RAPGEF2: variants seen among roughly 807,000 people sequenced by gnomAD.
RAPGEF2 encodes the protein PDZ domain containing guanine nucleotide exchange factor (GEF) 1.
A neutral mutation model predicts 186.7 loss-of-function variants in RAPGEF2; 54 were observed. That is an observed-to-expected ratio of 0.29 (90% CI 0.23 to 0.36). The LOEUF is 0.36. Among genes scored for constraint, RAPGEF2 ranks in the 10% least tolerant of loss-of-function variants. RAPGEF2 has a pLI of 1.00. For missense variants in RAPGEF2, 1,532 were observed against 2,045.0 expected (o/e 0.75, Z 4.84); for synonymous variants, 712 against 705.9 (o/e 1.01, Z -0.14).
At chr4:159,136,227 G>T (rs897543095) in intron 1 of RAPGEF2, among the ~76,000 whole-genome samples, 1 of 152,164 alleles carries the variant, frequency 6.6e-6, no homozygotes, top group Non-Finnish European at 1.5e-5. Context: ...TTTATTAAAC[G>T]CCACTTTTTC....
At chr4:159,325,582 C>T (rs1015027725) in intron 11 of RAPGEF2, among the ~76,000 whole-genome samples, 5 of 145,094 alleles carry the variant, frequency 3.4e-5, no homozygotes, top group Non-Finnish European at 7.6e-5. Flanking sequence ...GTGTCCTTGA[C>T]GAGCAAGTAA....
At chr4:159,246,780 T>G (rs1470220929) in intron 7 of RAPGEF2, among the ~76,000 whole-genome samples, 1 of 152,156 alleles carries the variant, frequency 6.6e-6, no homozygotes, top group Non-Finnish European at 1.5e-5. Flanking sequence ...ATTTATTCAG[T>G]TTTTTACTGA....
intron 1 of RAPGEF2, among the ~76,000 whole-genome samples, chr4:159,138,964 A>C (rs1300773837): frequency 6.6e-6 from 1 of 152,172 alleles, no homozygotes; most frequent in Admixed American, 6.5e-5. Flanking sequence ...GGATGATGTA[A>C]ATTTTCCATG....
At chr4:159,135,337 C>T (rs753129249) in intron 1 of RAPGEF2, among the ~76,000 whole-genome samples, 55 of 151,078 alleles carry the variant, frequency 3.6e-4, no homozygotes, top group Non-Finnish European at 7.1e-4. Flanking sequence ...TAAGTCATTG[C>T]GCCTGGCCCA....
At position 159,237,842 on chromosome 4, in the gene RAPGEF2, T is replaced by TAAAA. The variant is rs58593781; in HGVS notation, c.282-941_282-938dup. Among the ~76,000 whole-genome samples, 83 of 66,916 alleles carry TAAAA rather than the reference T, an allele frequency of 1.2e-3. 9 individuals are homozygous for TAAAA. The highest frequency in any genetic ancestry group is 4.2e-3 in the African/African-American group (77 of 18,222). The allele number at this position is 66,916 out of a possible 152,430, so 43.9% of individuals were successfully genotyped here. On this transcript the variant is annotated intron_variant, in intron 4 of 29. Transcript: ENST00000691494. ...AGCTAGACTTTGTCTCTACAAAAAT[T>TAAAA]AAAAAAAAAAAAAAAAAAAAAAAAA...
At chr4:159,354,102 T>A in intron 28 of RAPGEF2, 56 bp downstream of exon 28, 1 of 1,436,750 alleles carries the variant, frequency 7.0e-7, no homozygotes, top group African/African-American at 1.4e-5. Context: ...TTAATGTAAC[T>A]TATTACAATA....
At chr4:159,289,539 C>T (rs1157416248) in intron 7 of RAPGEF2, among the ~76,000 whole-genome samples, 3 of 152,144 alleles carry the variant, frequency 2.0e-5, no homozygotes, top group Admixed American at 1.3e-4. Context: ...TTCAATTTCT[C>T]TCAGCCTCAA....
rs574411152 is a variant in RAPGEF2 at position 159,314,676 on chromosome 4, A to C, written c.761A>C (p.Asp254Ala). The change falls in exon 9 of 30, where the codon GAC becomes GCC. Residue 254 changes from aspartate (D) to alanine (A), a missense_variant. Transcript: ENST00000691494. ...TCCGAAGACGACGACGATGAAGAAG[A>C]CATTGAGAGAGCATCAGATCCTCTG... ...VDSEDDDDEE[D>A]IERASDPLMS... 1 of 1,614,080 alleles carries C rather than the reference A, an allele frequency of 6.2e-7. No individual in the cohort carries two copies. The highest frequency in any genetic ancestry group is 1.1e-5 in the South Asian group (1 of 91,074).
intron 1 of RAPGEF2, among the ~76,000 whole-genome samples, chr4:159,132,132 G>C (rs750652741): frequency 1.3e-5 from 2 of 152,152 alleles, no homozygotes; most frequent in Non-Finnish European, 2.9e-5. Flanking sequence ...GGGGCTAGTT[G>C]GTCTAGAATT....
chr4:159,218,235 C>G (rs1751167216), intron 4 of RAPGEF2, among the ~76,000 whole-genome samples: 1 of 152,076 alleles, frequency 6.6e-6, no homozygotes, highest in South Asian at 2.1e-4. Flanking sequence ...AAAATCACAG[C>G]TGGAGTGCAG....
At chr4:159,210,877 A>T (rs1750452249) in intron 4 of RAPGEF2, among the ~76,000 whole-genome samples, 1 of 152,220 alleles carries the variant, frequency 6.6e-6, no homozygotes, top group Non-Finnish European at 1.5e-5. Flanking sequence ...AAATCAGCTC[A>T]AGATAGCTTA....
At chr4:159,126,321 A>G (rs1740293119) in intron 1 of RAPGEF2, among the ~76,000 whole-genome samples, 1 of 152,214 alleles carries the variant, frequency 6.6e-6, no homozygotes, top group East Asian at 1.9e-4. Flanking sequence ...AAAATAGCAT[A>G]GGAGAGAGCA....
chr4:159,221,825 G>C (rs370691502), intron 4 of RAPGEF2, among the ~76,000 whole-genome samples: 2 of 152,198 alleles, frequency 1.3e-5, no homozygotes, highest in African/African-American at 4.8e-5. Flanking sequence ...TTAAGGAAGT[G>C]CTGGGAGAGA....
At chr4:159,311,067 TGAGTCCTAG>T (rs1382241759) in intron 8 of RAPGEF2, among the ~76,000 whole-genome samples, 1 of 152,190 alleles carries the variant, frequency 6.6e-6, no homozygotes, top group Non-Finnish European at 1.5e-5. Context: ...CACCTGATTT[TGAGTCCTAG>T]CACAGTTACT....
chr4:159,104,924 T>C (rs1460410041), intron 1 of RAPGEF2, among the ~76,000 whole-genome samples: 1 of 152,230 alleles, frequency 6.6e-6, no homozygotes, highest in African/African-American at 2.4e-5. Context: ...ATTGCAGACA[T>C]AGCTGCAGAG....
intron 3 of RAPGEF2, among the ~76,000 whole-genome samples, chr4:159,202,612 C>T (rs538781740): frequency 2.6e-5 from 4 of 151,968 alleles, no homozygotes; most frequent in African/African-American, 7.3e-5. Context: ...TTTCTTTCTT[C>T]GTTTTTTTGG....
At chr4:159,273,633 T>TCTTTCTTC (rs1491316158) in intron 7 of RAPGEF2, among the ~76,000 whole-genome samples, 28 of 25,464 alleles carry the variant, frequency 1.1e-3, no homozygotes, top group African/African-American at 4.1e-3. Context: ...TCAGTTTCTT[T>TCTTTCTTC]CTTTCTTTCT....
At chr4:159,151,109 T>C (rs1738592268) in intron 1 of RAPGEF2, among the ~76,000 whole-genome samples, 1 of 152,228 alleles carries the variant, frequency 6.6e-6, no homozygotes, top group Non-Finnish European at 1.5e-5. Context: ...ACTTCAAGTA[T>C]TAGTGTAATT....
intron 29 of RAPGEF2, 86 bp downstream of exon 29, chr4:159,356,244 C>A: frequency 7.5e-7 from 1 of 1,326,322 alleles, no homozygotes; most frequent in Non-Finnish European, 1.0e-6. Context: ...TCTCTTAACA[C>A]TGCAGTCAGC....
Sources: allele counts gnomAD v4.1 joint callset (sites outside exome capture counted in the v4.1 genomes callset), GRCh38; gene constraint gnomAD v4.1.1; transcripts MANE v1.5; gene names NCBI Gene and HGNC (gene_info 2026-07-23, HGNC 2026-07-21).